The following MRC2 variants were observed in gnomAD, a reference collection of about 807,000 sequenced individuals.
The protein encoded by MRC2 is C-type mannose receptor 2.
In MRC2, 84 loss-of-function variants were observed where a neutral mutation model predicts 206.2. The observed-to-expected ratio is 0.41, with a 90% CI of 0.34 to 0.49. MRC2 has a LOEUF of 0.49. MRC2 is among the 20% of genes least tolerant of loss of function. MRC2 has a pLI of 0.31. For missense variants in MRC2, 1,676 were observed against 2,001.5 expected, an observed-to-expected ratio of 0.84 and a Z score of 3.10; for synonymous variants, 798 against 800.0, an observed-to-expected ratio of 1.00 and a Z score of 0.04.
chr17:62,676,761 A>G (rs2147477710), intron 11 of MRC2, among the ~76,000 whole-genome samples: 1 of 152,364 alleles, frequency 6.6e-6, no homozygotes, highest in African/African-American at 2.4e-5. Context: ...TCCAGTGGGA[A>G]TAATGATCCT....
Position 62,664,687 on chromosome 17 carries a change from C to T in MRC2, c.258C>T (p.Phe86=), listed in dbSNP as rs1427068372. The T allele has an allele frequency of 6.2e-7, 1 of 1,613,940 alleles. No individual in the cohort carries two copies. The highest frequency in any genetic ancestry group is 2.2e-5 in the East Asian group (1 of 44,890). The part of the protein sequence containing the change: ...RWKWVSRNRL[F]NLGTMQCLGT... ...AGTGGGTCTCCCGAAACCGGCTATT[C>T]AACCTGGGTACCATGCAGTGCCTGG... The change falls in exon 2 of 30, where the codon TTC becomes TTT. Residue 86 remains phenylalanine (F), a synonymous_variant. Coordinates refer to ENST00000303375, the MANE Select transcript of MRC2 (RefSeq NM_006039.5). The surrounding 1 kb of genome is among the most constrained non-coding windows in gnomAD (Gnocchi z 4.7).
Position 62,692,230 on chromosome 17 carries a change from G to A in MRC2, c.4220-1G>A. On this transcript the variant is annotated splice_acceptor_variant, in intron 29 of 29. Transcript: ENST00000303375. LOFTEE classifies it high-confidence loss of function. The surrounding 1 kb of genome is among the most constrained non-coding windows in gnomAD (Gnocchi z 4.2). ...CCTTTCACGCCCACTCGCCTTGGCAGCGCTTCCAGAGAACCCAGCGGCCCT... is the reference window on the plus strand; with the variant it reads ...CCTTTCACGCCCACTCGCCTTGGCAACGCTTCCAGAGAACCCAGCGGCCCT... 6.2e-7 allele frequency: 1 copy of A among 1,611,998 alleles called. No homozygotes were observed. Among genetic ancestry groups the A allele is most frequent in the South Asian group, 1.1e-5 (1 of 90,838 alleles).
chr17:62,678,311 C>G (rs1382600108), intron 12 of MRC2, among the ~76,000 whole-genome samples, 193 bp from the exon 13 acceptor site: 5 of 152,208 alleles, frequency 3.3e-5, no homozygotes, highest in Non-Finnish European at 5.9e-5. Flanking sequence ...CTCAGGGGCC[C>G]TCTCCAGAAG....
In MRC2 at chr17:62,667,287, C is replaced by T. The variant is rs2088769807; in HGVS notation, c.974-103C>T. ...ACCAGGCTTCCCGAACTGGCTCAGGCTTCCGAGGGAGCAGAGGGAGGTAGG... is the reference window on the plus strand; with the variant it reads ...ACCAGGCTTCCCGAACTGGCTCAGGTTTCCGAGGGAGCAGAGGGAGGTAGG... On this transcript the variant is annotated intron_variant, in intron 5 of 29. Coordinates refer to ENST00000303375, the MANE Select transcript of MRC2 (RefSeq NM_006039.5). This position sits in a 1 kb window ranked among gnomAD's most constrained non-coding sequence, Gnocchi z 4.1. 1.4e-6 allele frequency: 2 copies of T among 1,436,154 alleles called. No homozygotes were observed. Among genetic ancestry groups the T allele is most frequent in the East Asian group, 2.4e-5 (1 of 41,162 alleles). 89.0% of individuals were successfully genotyped at this position (1,436,154 alleles called of 1,614,324 possible). A position where few individuals can be genotyped will look rare whatever the true frequency, so the allele number is the denominator to read the frequency against.
chr17:62,643,343 A>G (rs1241560665), intron 1 of MRC2, among the ~76,000 whole-genome samples: 6 of 147,616 alleles, frequency 4.1e-5, no homozygotes, highest in South Asian at 4.4e-4. Context: ...AAAAAAAAAA[A>G]AAAAGAAAAA....
chr17:62,689,715 C>G lies in MRC2; in HGVS notation c.3528C>G (p.Ala1176=), dbSNP rs1384994687. ...CCCAGGCCTTCCTCACGCAGGCTGC[C>G]CGAGGGCTGCGCACGCCGCTCTGGA... The part of the protein sequence containing the change: ...PYTQAFLTQA[A]RGLRTPLWIG... The change falls in exon 24 of 30, where the codon GCC becomes GCG. Residue 1176 remains alanine, a synonymous_variant. Transcript: ENST00000303375. 1 of 1,567,812 alleles carries G rather than the reference C, an allele frequency of 6.4e-7. No homozygotes were observed. The highest frequency in any genetic ancestry group is 1.9e-5 in the Admixed American group (1 of 53,866).
intron 1 of MRC2, among the ~76,000 whole-genome samples, chr17:62,656,868 C>T (rs2088625201): frequency 1.3e-5 from 2 of 152,206 alleles, no homozygotes; most frequent in African/African-American, 4.8e-5. Context: ...GGACTCACTT[C>T]CTCTCTTTCC....
At chr17:62,653,624 G>A (rs1327831157) in intron 1 of MRC2, among the ~76,000 whole-genome samples, 1 of 152,202 alleles carries the variant, frequency 6.6e-6, no homozygotes, top group Non-Finnish European at 1.5e-5. Context: ...CTCTACAAAG[G>A]GTGGCCTGTG....
intron 1 of MRC2, among the ~76,000 whole-genome samples, chr17:62,645,709 T>C (rs562314341): frequency 6.6e-6 from 1 of 150,894 alleles, no homozygotes; most frequent in East Asian, 2.0e-4. Context: ...AATTTTTTTT[T>C]CTGTATTTTA....
Position 62,667,554 on chromosome 17 carries a change from C to T in MRC2, c.1117+21C>T. On this transcript the variant is annotated intron_variant, in intron 6 of 29. Coordinates refer to ENST00000303375, the MANE Select transcript of MRC2 (RefSeq NM_006039.5). The surrounding 1 kb of genome is among the most constrained non-coding windows in gnomAD (Gnocchi z 4.1). ...TCCAGGTGAGCCAGGGACTGTGCCGCAGGGTGGGGAGGGGCTCCCAGGGCC... is the reference window on the plus strand; with the variant it reads ...TCCAGGTGAGCCAGGGACTGTGCCGTAGGGTGGGGAGGGGCTCCCAGGGCC... The T allele has an allele frequency of 6.3e-7, 1 of 1,598,208 alleles. No homozygotes were observed. Among genetic ancestry groups the T allele is most frequent in the Non-Finnish European group, 8.5e-7 (1 of 1,176,066 alleles).
rs761792736 is a variant in MRC2 at position 62,633,677 on chromosome 17, GA to G, written c.118+5774del. Among the ~76,000 whole-genome samples, 634 of 113,310 alleles carry G rather than the reference GA, an allele frequency of 5.6e-3. 7 individuals are homozygous for G. The highest frequency in any genetic ancestry group is 0.013 in the Admixed American group (132 of 10,548). The allele number at this position is 113,310 out of a possible 152,430, so 74.3% of individuals were successfully genotyped here. A position where few individuals can be genotyped will look rare whatever the true frequency, so the allele number is the denominator to read the frequency against. On this transcript the variant is annotated intron_variant, in intron 1 of 29. Coordinates refer to ENST00000303375, the MANE Select transcript of MRC2 (RefSeq NM_006039.5). ...AACATGACGAAACCCAGTCACTACA[GA>G]AAAAAAAAAAAAAAAAGCTGGGTGT...
At chr17:62,627,978 C>T in intron 1 of MRC2, 58 bp downstream of exon 1, 2 of 1,200,600 alleles carry the variant, frequency 1.7e-6, no homozygotes, top group South Asian at 1.8e-5. Flanking sequence ...CGCCGAGGCG[C>T]GGGCCGCTCT....
In MRC2 at chr17:62,667,276, AC is replaced by A; in HGVS notation, c.974-113del. ...TGGAGCTGAGCACCAGGCTTCCCGA[AC>A]TGGCTCAGGCTTCCGAGGGAGCAGA... On this transcript the variant is annotated intron_variant, in intron 5 of 29. Transcript: ENST00000303375. This position sits in a 1 kb window ranked among gnomAD's most constrained non-coding sequence, Gnocchi z 4.1. 1 of 1,381,044 alleles carries A rather than the reference AC, an allele frequency of 7.2e-7. No individual in the cohort carries two copies. Among genetic ancestry groups the A allele is most frequent in the Non-Finnish European group, 9.7e-7 (1 of 1,035,626 alleles). 85.5% of individuals were successfully genotyped at this position (1,381,044 alleles called of 1,614,324 possible).
At chr17:62,640,244 CAA>C (rs2088384051) in intron 1 of MRC2, among the ~76,000 whole-genome samples, 1 of 152,068 alleles carries the variant, frequency 6.6e-6, no homozygotes, top group Non-Finnish European at 1.5e-5. Flanking sequence ...ATACTGGAAA[CAA>C]GATGCATACC....
rs1378422943 is a variant in MRC2, at chr17:62,689,058, G to T, written c.3334+98G>T. On this transcript the variant is annotated intron_variant, in intron 23 of 29. Coordinates refer to ENST00000303375, the MANE Select transcript of MRC2 (RefSeq NM_006039.5). ...GAGGAAGGAATCATGGTCCCTGGCA[G>T]AGCAGGGCTCTGCTTGGGAAGCAGA... 9 of 980,930 alleles carry T rather than the reference G, an allele frequency of 9.2e-6. No homozygotes were observed. The East Asian group carries it at 2.3e-4, about 25-fold the overall frequency. The allele number at this position is 980,930 out of a possible 1,614,324, so 60.8% of individuals were successfully genotyped here. A position where few individuals can be genotyped will look rare whatever the true frequency, so the allele number is the denominator to read the frequency against.
chr17:62,681,038 C>T (rs1375281252), intron 17 of MRC2, 24 bp from the exon 18 acceptor site: 1 of 1,613,042 alleles, frequency 6.2e-7, no homozygotes, highest in Admixed American at 1.7e-5. Context: ...TGCCTACCCA[C>T]ACCTGCCCGC....
At position 62,680,860 on chromosome 17, in the gene MRC2, C is replaced by A. The variant is rs747611940; in HGVS notation, c.2534C>A (p.Thr845Lys). The change falls in exon 17 of 30, where the codon ACG (threonine) becomes AAG (lysine). Residue 845 changes from threonine (T) to lysine (K), a missense_variant. Around this residue, in one of 3 missense-constraint regions of MRC2, gnomAD observed 1,354 missense variants for 1,636.6 expected, o/e 0.83. Transcript: ENST00000303375. The surrounding 1 kb of genome is among the most constrained non-coding windows in gnomAD (Gnocchi z 4.8). ...AEYKFFEHHS[T>K]WAQAQRICTW... ...TACAAGTTCTTTGAGCACCACTCCACGTGGGCGCAGGCGCAGCGCATCTGC... is the reference window on the plus strand; with the variant it reads ...TACAAGTTCTTTGAGCACCACTCCAAGTGGGCGCAGGCGCAGCGCATCTGC... The A allele has an allele frequency of 1.2e-6, 2 of 1,613,084 alleles. No individual in the cohort carries two copies. Among genetic ancestry groups the A allele is most frequent in the East Asian group, 2.2e-5 (1 of 44,888 alleles).
chr17:62,689,180 G>T (rs1333483403), intron 23 of MRC2, among the ~76,000 whole-genome samples: 2 of 152,186 alleles, frequency 1.3e-5, no homozygotes, highest in Non-Finnish European at 2.9e-5. Flanking sequence ...GTTGGGTCGG[G>T]GGGAGAGCTA....
At chr17:62,627,986 T>G in intron 1 of MRC2, 66 bp downstream of exon 1, 1 of 1,084,706 alleles carries the variant, frequency 9.2e-7, no homozygotes, top group Non-Finnish European at 1.2e-6. Flanking sequence ...CGCGGGCCGC[T>G]CTCGACTTTT....
Sources: gnomAD v4.1 joint callset for allele counts (sites outside exome capture counted in the v4.1 genomes callset) on GRCh38, gnomAD v4.1.1 for gene constraint, gnomAD v4.1.1 regional missense constraint, Gnocchi (gnomAD v3.1) non-coding constraint, MANE v1.5 for transcripts, NCBI Gene and HGNC (gene_info 2026-07-23, HGNC 2026-07-21) for gene names.